COL5A2: variants seen among roughly 807,000 people sequenced by gnomAD.
The protein encoded by COL5A2 is collagen type V alpha 2 chain.
A neutral mutation model predicts 208.2 loss-of-function variants in COL5A2; 23 were observed. The observed-to-expected ratio is 0.11, with a 90% CI of 0.08 to 0.16. The LOEUF is 0.16. Ranked by LOEUF, COL5A2 falls within the 10% of genes least tolerant of loss-of-function variation. The pLI, the probability that COL5A2 is intolerant of heterozygous loss-of-function variation, is 1.00. For synonymous variants in COL5A2, 625 were observed against 628.5 expected (o/e 0.99, Z 0.08); for missense variants, 1,590 against 1,956.4 (o/e 0.81, Z 3.53).
chr2:189,039,710 G>T, intron 50 of COL5A2, 147 bp from the exon 51 acceptor site: 1 of 705,508 alleles, frequency 1.4e-6, no homozygotes, highest in Non-Finnish European at 2.3e-6. Flanking sequence ...GTAACTAGAT[G>T]GGGGTGGTCT....
intron 4 of COL5A2, 110 bp downstream of exon 4, chr2:189,099,997 A>G: frequency 1.0e-6 from 1 of 964,338 alleles, no homozygotes; most frequent in Non-Finnish European, 1.6e-6. Context: ...ACTTGTTTTT[A>G]AAATAACTAA....
Position 189,097,045 on chromosome 2 carries a change from C to T in COL5A2, c.456+232G>A, listed in dbSNP as rs72906354. On this transcript the variant is annotated intron_variant, in intron 6 of 53. Coordinates refer to ENST00000374866, the MANE Select transcript of COL5A2 (RefSeq NM_000393.5). ...GCTTACTCATGAGTGAAACTCATGA[C>T]ATGTTAACTATGCTTCCTTAAGTTC... Among the ~76,000 whole-genome samples the T allele has an allele frequency of 0.13, 20,232 of 152,240 alleles. 1,376 individuals carry two copies. The highest frequency in any genetic ancestry group is 0.19 in the Middle Eastern group (56 of 294).
intron 12 of COL5A2, 86 bp downstream of exon 12, chr2:189,083,898 C>T: frequency 1.0e-6 from 1 of 976,390 alleles, no homozygotes; most frequent in African/African-American, 1.6e-5. Context: ...TACTTAGTGC[C>T]TGATACATGT....
At chr2:189,082,261 A>G (rs771226630) in intron 12 of COL5A2, among the ~76,000 whole-genome samples, 5 of 152,250 alleles carry the variant, frequency 3.3e-5, no homozygotes, top group Admixed American at 6.5e-5. Context: ...TGAAATTCAT[A>G]TAACAAAATC....
chr2:189,222,501 T>C (rs1471941195), intron 1 of COL5A2, among the ~76,000 whole-genome samples: 1 of 152,196 alleles, frequency 6.6e-6, no homozygotes, highest in Non-Finnish European at 1.5e-5. Context: ...TTCTATCTCC[T>C]GCCAGTGATA....
chr2:189,045,044 A>G, intron 47 of COL5A2, 135 bp downstream of exon 47: 1 of 533,448 alleles, frequency 1.9e-6, no homozygotes, highest in East Asian at 3.2e-5. Flanking sequence ...GAGTAAACTT[A>G]TAATTTTTAA....
chr2:189,398,736 TTCATCTGC>T, the COL5A2 span, among the ~76,000 whole-genome samples: 1 of 152,220 alleles, frequency 6.6e-6, no homozygotes, highest in Non-Finnish European at 1.5e-5. Flanking sequence ...ATTGGTGTCA[TTCATCTGC>T]TCACATTTAA....
chr2:189,263,860 A>G, the COL5A2 span, among the ~76,000 whole-genome samples: 3 of 152,170 alleles, frequency 2.0e-5, no homozygotes, highest in South Asian at 6.2e-4. Context: ...ATATTTGCAC[A>G]GAAGAAATCA....
the COL5A2 span, among the ~76,000 whole-genome samples, chr2:189,294,627 A>G: frequency 6.6e-6 from 1 of 152,204 alleles, no homozygotes; most frequent in African/African-American, 2.4e-5. Context: ...GAAAATTTCA[A>G]AGCAATAGCC....
chr2:189,068,330 C>A, intron 19 of COL5A2, 60 bp from the exon 20 acceptor site: 6 of 1,367,140 alleles, frequency 4.4e-6, no homozygotes, highest in Non-Finnish European at 6.3e-6. Context: ...TACAAATGTG[C>A]TAGTATACAG....
At chr2:189,309,685 C>T in the COL5A2 span, among the ~76,000 whole-genome samples, 1 of 152,200 alleles carries the variant, frequency 6.6e-6, no homozygotes, top group African/African-American at 2.4e-5. Flanking sequence ...CTGTCTTATA[C>T]CCCTCAGTTG....
the COL5A2 span, among the ~76,000 whole-genome samples, chr2:189,376,686 G>A: frequency 6.6e-6 from 1 of 152,264 alleles, no homozygotes; most frequent in African/African-American, 2.4e-5. Context: ...GCAGTTGTAA[G>A]AATCCTATAA....
chr2:189,083,672 A>G (rs201650952), intron 12 of COL5A2, among the ~76,000 whole-genome samples: 2 of 147,464 alleles, frequency 1.4e-5, no homozygotes, highest in East Asian at 3.9e-4. Context: ...AACTCATTTT[A>G]TGAAAAAAAA....
chr2:189,238,529 G>A, the COL5A2 span, among the ~76,000 whole-genome samples: 1 of 152,098 alleles, frequency 6.6e-6, no homozygotes, highest in East Asian at 1.9e-4. Context: ...GCCTGAGAGT[G>A]TATTAGTCCA....
At chr2:189,412,005 G>C in the COL5A2 span, among the ~76,000 whole-genome samples, 85,818 of 151,914 alleles carry the variant, frequency 0.56, 26,055 homozygotes, top group East Asian at 0.69. Context: ...CTAGGGAACT[G>C]TTTCTTCATG....
At chr2:189,154,729 T>C (rs979236781) in intron 1 of COL5A2, among the ~76,000 whole-genome samples, 2 of 152,066 alleles carry the variant, frequency 1.3e-5, no homozygotes, top group Non-Finnish European at 2.9e-5. Flanking sequence ...CCCAAAGCAC[T>C]GGGATTTCAG....
intron 1 of COL5A2, among the ~76,000 whole-genome samples, chr2:189,153,951 A>G (rs567855130): frequency 6.6e-6 from 1 of 152,278 alleles, no homozygotes; most frequent in East Asian, 1.9e-4. Context: ...TTGCCTTTGA[A>G]TAACAGCTTT....
chr2:189,366,071 T>C, the COL5A2 span, among the ~76,000 whole-genome samples: 1 of 152,196 alleles, frequency 6.6e-6, no homozygotes, highest in Non-Finnish European at 1.5e-5. Context: ...CTTACATGAG[T>C]GTACCCTGTG....
chr2:189,294,258 GC>G, the COL5A2 span, among the ~76,000 whole-genome samples: 39 of 152,222 alleles, frequency 2.6e-4, 1 homozygote, highest in South Asian at 7.9e-3. Context: ...TTCCAGGTCT[GC>G]TGTTAAGGGA....
Sources: gnomAD v4.1 joint callset for allele counts (sites outside exome capture counted in the v4.1 genomes callset) on GRCh38, gnomAD v4.1.1 for gene constraint, MANE v1.5 for transcripts, NCBI Gene and HGNC (gene_info 2026-07-23, HGNC 2026-07-21) for gene names.